Variants in LRPAP1 observed in about 807,000 individuals in gnomAD.
LRPAP1 encodes LDL receptor related protein associated protein 1, also known as alpha-2-macroglobulin receptor-associated protein.
A neutral mutation model predicts 39.9 loss-of-function variants in LRPAP1; 41 were observed. The observed-to-expected ratio is 1.03, with a 90% CI of 0.80 to 1.33. LRPAP1 has a LOEUF of 1.33. Ranked by LOEUF, LRPAP1 falls within the 40% of genes most tolerant of loss-of-function variation. LRPAP1 has a pLI of 0.00. For missense variants in LRPAP1, 565 were observed against 482.3 expected (o/e 1.17, Z -1.61); for synonymous variants, 263 against 212.7 (o/e 1.24, Z -2.06).
intron 6 of LRPAP1, among the ~76,000 whole-genome samples, chr4:3,515,190 G>T (rs1447475834): frequency 2.6e-5 from 4 of 152,156 alleles, no homozygotes; most frequent in African/African-American, 9.7e-5. Context: ...AATCTAGGGG[G>T]CCTCCAGCTC....
At chr4:3,517,209 G>C (rs1482432667) in intron 5 of LRPAP1, among the ~76,000 whole-genome samples, 1 of 152,266 alleles carries the variant, frequency 6.6e-6, no homozygotes, top group Non-Finnish European at 1.5e-5. Context: ...GGTGACAGCA[G>C]CACAGCCACC....
rs888909980 is a variant in LRPAP1, at chr4:3,505,105, G to A, written c.*7869C>T. On this transcript the variant is annotated 3_prime_UTR_variant, in exon 8 of 8. Transcript: ENST00000650182. ...ACCATGCACGCAGCCATGGTGGCCCGGGTCCTGCCACGCACGCAGCCATAG... is the reference window on the plus strand; with the variant it reads ...ACCATGCACGCAGCCATGGTGGCCCAGGTCCTGCCACGCACGCAGCCATAG... Among the ~76,000 whole-genome samples, 13 of 152,146 alleles carry A rather than the reference G, an allele frequency of 8.5e-5. No homozygotes were observed. The highest frequency in any genetic ancestry group is 1.9e-4 in the East Asian group (1 of 5,190).
rs1469559690 is a variant in LRPAP1, at chr4:3,512,553, A to T, written c.*421T>A. ...CCAGCCACCAGGACACTTAGTGACCAGCCAACAAGCGGGTGGTTTAAATAC... is the reference window on the plus strand; with the variant it reads ...CCAGCCACCAGGACACTTAGTGACCTGCCAACAAGCGGGTGGTTTAAATAC... On this transcript the variant is annotated 3_prime_UTR_variant, in exon 8 of 8. Transcript: ENST00000650182. 6.0e-6 allele frequency: 1 copy of T among 167,124 alleles called. No homozygotes were observed. Among genetic ancestry groups the T allele is most frequent in the Non-Finnish European group, 1.3e-5 (1 of 77,316 alleles). The allele number at this position is 167,124 out of a possible 1,614,324, so 10.4% of individuals were successfully genotyped here. A position where few individuals can be genotyped will look rare whatever the true frequency, so the allele number is the denominator to read the frequency against.
In LRPAP1 at chr4:3,525,209, T is replaced by G; in HGVS notation, c.205-158A>C. On this transcript the variant is annotated intron_variant, in intron 1 of 7. Transcript: ENST00000650182. Reference sequence around the variant, plus strand: ...CAGCAGGATTCAAACCCCACAGGTTTAGACAAGAACTCAACATGGACACCA... The same window carrying G: ...CAGCAGGATTCAAACCCCACAGGTTGAGACAAGAACTCAACATGGACACCA... 3.9e-6 allele frequency: 3 copies of G among 763,328 alleles called. No homozygotes were observed. The East Asian group carries it at 7.8e-5, about 20-fold the overall frequency. 47.3% of individuals were successfully genotyped at this position (763,328 alleles called of 1,614,324 possible).
In LRPAP1 at chr4:3,507,363, A is replaced by G. The variant is rs1163078287; in HGVS notation, c.*5611T>C. The G allele has an allele frequency of 1.3e-5, 2 of 152,276 alleles. No individual in the cohort carries two copies. Among genetic ancestry groups the G allele is most frequent in the East Asian group, 1.9e-4 (1 of 5,206 alleles). 9.4% of individuals were successfully genotyped at this position (152,276 alleles called of 1,614,324 possible). On this transcript the variant is annotated 3_prime_UTR_variant, in exon 8 of 8. Coordinates refer to ENST00000650182, the MANE Select transcript of LRPAP1 (RefSeq NM_002337.4). ...TGGCACCAGGGAAGTGCAAGTTACT[A>G]CAAAACGAAAACAAAAGAATCAAAT...
chr4:3,520,026 C>CA (rs1729856973), intron 3 of LRPAP1, 46 bp downstream of exon 3: 1 of 1,547,562 alleles, frequency 6.5e-7, no homozygotes, highest in Non-Finnish European at 8.8e-7. Flanking sequence ...TAACACTCAA[C>CA]GTAACGGCAC....
intron 3 of LRPAP1, among the ~76,000 whole-genome samples, chr4:3,519,272 GCCCGGTGACCCCGGGCTTGCCTGGCTCT>G (rs1322602949): frequency 1.3e-5 from 2 of 152,252 alleles, no homozygotes; most frequent in African/African-American, 4.8e-5. Flanking sequence ...CAGGGCAGCA[GCCCGGTGACCCCGGGCTTGCCTGGCTCT>G]CCCGGCTGCA....
At chr4:3,526,074 G>C (rs1047767664) in intron 1 of LRPAP1, among the ~76,000 whole-genome samples, 3 of 152,246 alleles carry the variant, frequency 2.0e-5, no homozygotes, top group African/African-American at 7.2e-5. Context: ...GGTTCACGGA[G>C]ACAGGGTGCT....
In LRPAP1 at chr4:3,504,090, C is replaced by G. The variant is rs970496948; in HGVS notation, c.*8884G>C. The G allele has an allele frequency of 1.3e-5, 2 of 152,316 alleles. No individual in the cohort carries two copies. Among genetic ancestry groups the G allele is most frequent in the Non-Finnish European group, 1.5e-5 (1 of 68,094 alleles). The allele number at this position is 152,316 out of a possible 1,614,324, so 9.4% of individuals were successfully genotyped here. On this transcript the variant is annotated 3_prime_UTR_variant, in exon 8 of 8. Coordinates refer to ENST00000650182, the MANE Select transcript of LRPAP1 (RefSeq NM_002337.4). ...CTGCAGCAAGCTGAAGCCCCCAAAT[C>G]TAGGCCCTGAGGGTGAATCGGTACC...
At position 3,508,564 on chromosome 4, in the gene LRPAP1, G is replaced by A. The variant is rs903431693; in HGVS notation, c.*4410C>T. 12 of 152,152 alleles carry A rather than the reference G, an allele frequency of 7.9e-5. No individual in the cohort carries two copies. Among genetic ancestry groups the A allele is most frequent in the African/African-American group, 2.7e-4 (11 of 41,426 alleles). The allele number at this position is 152,152 out of a possible 1,614,324, so 9.4% of individuals were successfully genotyped here. A position where few individuals can be genotyped will look rare whatever the true frequency, so the allele number is the denominator to read the frequency against. On this transcript the variant is annotated 3_prime_UTR_variant, in exon 8 of 8. Transcript: ENST00000650182. ...ACACAGGAGGTCCTTAGCCCGGTATGAGCAAATCTCATCTGGCCATGCAGA... is the reference window on the plus strand; with the variant it reads ...ACACAGGAGGTCCTTAGCCCGGTATAAGCAAATCTCATCTGGCCATGCAGA...
chr4:3,510,553 C>G lies in LRPAP1; in HGVS notation c.*2421G>C, dbSNP rs1729476216. 6.6e-6 allele frequency: 1 copy of G among 152,246 alleles called. No individual in the cohort carries two copies. Among genetic ancestry groups the G allele is most frequent in the Admixed American group, 6.5e-5 (1 of 15,286 alleles). 9.4% of individuals were successfully genotyped at this position (152,246 alleles called of 1,614,324 possible). ...AATTAGGAGAAAAAAGCCTATGCAG[C>G]AAATAATCTGAAAGTTAAGGGAGAA... is the stretch of plus-strand genomic sequence containing the variant. On this transcript the variant is annotated 3_prime_UTR_variant, in exon 8 of 8. Transcript: ENST00000650182.
In LRPAP1 at chr4:3,514,761, C is replaced by G. The variant is rs757078554; in HGVS notation, c.1002G>C (p.Leu334=). ...TGGAACCCGTGCGCACCGTGTAGCC[C>G]AGCTCCTTGGTCCGCCCCTCCAGCA... The part of the protein sequence containing the change: ...HALLEGRTKE[L]GYTVKKHLQD... Residue 334 remains leucine (L), a synonymous_variant, in exon 7 of 8, where the codon CTG becomes CTC. Transcript: ENST00000650182. 6.2e-7 allele frequency: 1 copy of G among 1,608,636 alleles called. No individual in the cohort carries two copies. The highest frequency in any genetic ancestry group is 1.7e-5 in the Admixed American group (1 of 59,906).
intron 1 of LRPAP1, among the ~76,000 whole-genome samples, chr4:3,531,150 CAG>C (rs1730237939): frequency 6.6e-6 from 1 of 152,178 alleles, no homozygotes; most frequent in Non-Finnish European, 1.5e-5. Flanking sequence ...CCCACCTCCG[CAG>C]GCTGAACATT....
intron 1 of LRPAP1, among the ~76,000 whole-genome samples, chr4:3,525,961 C>T (rs753254049): frequency 4.6e-5 from 7 of 152,188 alleles, no homozygotes; most frequent in African/African-American, 7.2e-5. Context: ...CGCTAAGAGG[C>T]GTGCGCTGGG....
chr4:3,516,563 G>A lies in LRPAP1; in HGVS notation c.752-365C>T, dbSNP rs367566194. On this transcript the variant is annotated intron_variant, in intron 5 of 7. Coordinates refer to ENST00000650182, the MANE Select transcript of LRPAP1 (RefSeq NM_002337.4). Reference sequence around the variant, plus strand: ...TGTGTGCAGAGGCTGCCAGGACCTCGGGTGGGGGCACCTGCAAGTTCAGCC... The same window carrying A: ...TGTGTGCAGAGGCTGCCAGGACCTCAGGTGGGGGCACCTGCAAGTTCAGCC... Among the ~76,000 whole-genome samples the A allele has an allele frequency of 2.6e-3, 390 of 152,354 alleles. 2 individuals carry two copies. Among genetic ancestry groups the A allele is most frequent in the African/African-American group, 8.6e-3 (357 of 41,588 alleles).
chr4:3,516,783 A>C (rs1560254784), intron 5 of LRPAP1, among the ~76,000 whole-genome samples: 1 of 152,230 alleles, frequency 6.6e-6, no homozygotes, highest in Non-Finnish European at 1.5e-5. Context: ...ACCAGGAGTG[A>C]GTAGTCCAGA....
chr4:3,514,471 G>A (rs1247176578), intron 7 of LRPAP1, among the ~76,000 whole-genome samples: 6 of 152,166 alleles, frequency 3.9e-5, no homozygotes, highest in South Asian at 2.1e-4. Context: ...TCCAGGTCAC[G>A]CCCCATCCTG....
rs1729394880 is a variant in LRPAP1, at chr4:3,507,716, C to T, written c.*5258G>A. On this transcript the variant is annotated 3_prime_UTR_variant, in exon 8 of 8. Transcript: ENST00000650182. Reference sequence around the variant, plus strand: ...CAAAATAGGTAGAAGAAAGGAAATTCATAAGAAAAGAGCAAAAGTCAATGA... The same window carrying T: ...CAAAATAGGTAGAAGAAAGGAAATTTATAAGAAAAGAGCAAAAGTCAATGA... The T allele has an allele frequency of 6.7e-6, 1 of 149,252 alleles. No homozygotes were observed. The highest frequency in any genetic ancestry group is 1.5e-5 in the Non-Finnish European group (1 of 67,366). The allele number at this position is 149,252 out of a possible 1,614,324, so 9.2% of individuals were successfully genotyped here.
At position 3,509,167 on chromosome 4, in the gene LRPAP1, T is replaced by C. The variant is rs1416463912; in HGVS notation, c.*3807A>G. On this transcript the variant is annotated 3_prime_UTR_variant, in exon 8 of 8. Transcript: ENST00000650182. The stretch of plus-strand genomic sequence containing the variant: ...ACTCCAGTTCATTGTTGGGAGAAGT[T>C]GAAGATGAACTCAATACCTGGAGTC... 1 of 152,274 alleles carries C rather than the reference T, an allele frequency of 6.6e-6. No individual in the cohort carries two copies. The highest frequency in any genetic ancestry group is 1.5e-5 in the Non-Finnish European group (1 of 68,066). 9.4% of individuals were successfully genotyped at this position (152,274 alleles called of 1,614,324 possible).
Sources: allele counts gnomAD v4.1 joint callset (sites outside exome capture counted in the v4.1 genomes callset), GRCh38; gene constraint gnomAD v4.1.1; transcripts MANE v1.5; gene names NCBI Gene and HGNC (gene_info 2026-07-23, HGNC 2026-07-21).